THSD7B: variants seen among roughly 807,000 people sequenced by gnomAD.
THSD7B encodes the protein thrombospondin type-1 domain-containing protein 7B.
In THSD7B, 138 loss-of-function variants were observed where a neutral mutation model predicts 213.6. The ratio of observed to expected loss-of-function variants is 0.65; its 90% CI spans 0.56 to 0.74. THSD7B has a LOEUF of 0.74. Among genes scored for constraint, THSD7B ranks in the 30% least tolerant of loss-of-function variants. THSD7B has a pLI of 0.00. For missense variants in THSD7B, 1,931 were observed against 1,991.5 expected (o/e 0.97, Z 0.58); for synonymous variants, 742 against 687.0 (o/e 1.08, Z -1.25).
At chr2:137,652,187 C>G (rs1007189523) in intron 21 of THSD7B, among the ~76,000 whole-genome samples, 8 of 152,068 alleles carry the variant, frequency 5.3e-5, no homozygotes, top group Non-Finnish European at 8.8e-5. Context: ...CTCTCTTTCT[C>G]TCTCTCTCCC....
intron 15 of THSD7B, among the ~76,000 whole-genome samples, chr2:137,498,921 G>T (rs1382728315): frequency 6.6e-6 from 1 of 152,146 alleles, no homozygotes; most frequent in Non-Finnish European, 1.5e-5. Context: ...GAGGCAGGTT[G>T]CTCCCTTGCC....
intron 12 of THSD7B, among the ~76,000 whole-genome samples, chr2:137,303,963 A>T (rs1375306217): frequency 6.7e-6 from 1 of 149,134 alleles, no homozygotes; most frequent in African/African-American, 2.5e-5. Flanking sequence ...CCCCTAGCCC[A>T]CCACCCCCTG....
At chr2:136,772,581 T>C (rs1382624876) in intron 1 of THSD7B, among the ~76,000 whole-genome samples, 1 of 152,198 alleles carries the variant, frequency 6.6e-6, no homozygotes, top group East Asian at 1.9e-4. Flanking sequence ...ATGCAAAGCA[T>C]TAGTTTTTGA....
At chr2:136,958,325 A>C (rs1416751390) in intron 2 of THSD7B, among the ~76,000 whole-genome samples, 1 of 152,230 alleles carries the variant, frequency 6.6e-6, no homozygotes, top group Non-Finnish European at 1.5e-5. Context: ...TATCAGCAAC[A>C]CTGGGAAAAT....
At chr2:137,048,272 A>T (rs915657942) in intron 2 of THSD7B, among the ~76,000 whole-genome samples, 27 of 152,152 alleles carry the variant, frequency 1.8e-4, no homozygotes, top group African/African-American at 5.5e-4. Flanking sequence ...GATTTTTTTT[A>T]AAAAAATGCT....
chr2:136,876,909 G>A (rs952616997), intron 1 of THSD7B, among the ~76,000 whole-genome samples: 6 of 152,138 alleles, frequency 3.9e-5, no homozygotes, highest in African/African-American at 1.4e-4. Flanking sequence ...CTCCTAACAC[G>A]CTCTGGGGTC....
intron 5 of THSD7B, among the ~76,000 whole-genome samples, chr2:137,116,569 G>A (rs1688450040): frequency 6.6e-6 from 1 of 152,160 alleles, no homozygotes; most frequent in Non-Finnish European, 1.5e-5. Context: ...GATGCATTAT[G>A]ACCTACCTAT....
intron 17 of THSD7B, among the ~76,000 whole-genome samples, chr2:137,597,638 T>C (rs1427365696): frequency 6.6e-6 from 1 of 151,936 alleles, no homozygotes; most frequent in African/African-American, 2.4e-5. Flanking sequence ...ACTGGAGGCA[T>C]CTCCAAGAAC....
chr2:137,112,086 A>C (rs1688357484), intron 4 of THSD7B, among the ~76,000 whole-genome samples: 1 of 152,144 alleles, frequency 6.6e-6, no homozygotes, highest in African/African-American at 2.4e-5. Flanking sequence ...TAAAGGAGAA[A>C]GGGAGTAACG....
intron 12 of THSD7B, among the ~76,000 whole-genome samples, chr2:137,349,844 AG>A (rs1432775238): frequency 6.6e-6 from 1 of 151,822 alleles, no homozygotes; most frequent in Non-Finnish European, 1.5e-5. Context: ...AGAGATTAAG[AG>A]GGAAAAAATG....
At chr2:137,043,066 G>C (rs1223475840) in intron 2 of THSD7B, among the ~76,000 whole-genome samples, 1 of 152,190 alleles carries the variant, frequency 6.6e-6, no homozygotes, top group African/African-American at 2.4e-5. Flanking sequence ...CAGCCCCTGG[G>C]CTGGTTGGGG....
intron 2 of THSD7B, among the ~76,000 whole-genome samples, chr2:136,921,491 A>G (rs1486573890): frequency 6.6e-6 from 1 of 151,778 alleles, no homozygotes; most frequent in Admixed American, 6.6e-5. Flanking sequence ...ATGAAGGCAT[A>G]GGCTATGTAA....
intron 15 of THSD7B, among the ~76,000 whole-genome samples, chr2:137,532,894 T>C (rs1183420162): frequency 6.6e-6 from 1 of 151,564 alleles, no homozygotes; most frequent in Non-Finnish European, 1.5e-5. Flanking sequence ...TGTGGCTATA[T>C]GCATATATAT....
intron 7 of THSD7B, among the ~76,000 whole-genome samples, chr2:137,204,050 A>T (rs1462425043): frequency 6.6e-6 from 1 of 152,056 alleles, no homozygotes; most frequent in Non-Finnish European, 1.5e-5. Context: ...AATCAACATC[A>T]AATAGTTTTC....
At chr2:137,134,529 G>A (rs1486095783) in intron 5 of THSD7B, among the ~76,000 whole-genome samples, 8 of 152,162 alleles carry the variant, frequency 5.3e-5, no homozygotes, top group Admixed American at 6.5e-5. Flanking sequence ...TTCAGGCCAT[G>A]CGCTGGCACT....
intron 10 of THSD7B, among the ~76,000 whole-genome samples, chr2:137,252,201 A>G (rs905609609): frequency 4.7e-5 from 6 of 127,680 alleles, no homozygotes; most frequent in African/African-American, 8.8e-5. Flanking sequence ...CGGGAGGCAG[A>G]GGTTGCAGTG....
chr2:137,485,643 G>A (rs1196737051), intron 15 of THSD7B, among the ~76,000 whole-genome samples: 1 of 152,084 alleles, frequency 6.6e-6, no homozygotes, highest in Non-Finnish European at 1.5e-5. Flanking sequence ...AGGAAATACA[G>A]AGAATGCCAC....
chr2:137,666,540 C>T lies in THSD7B; in HGVS notation c.4652-1234C>T, dbSNP rs536687761. 1.7e-3 allele frequency among the ~76,000 whole-genome samples: 247 copies of T among 144,580 alleles called. 1 individual carries two copies. Among genetic ancestry groups the T allele is most frequent in the African/African-American group, 5.5e-3 (224 of 40,496 alleles). 94.9% of individuals were successfully genotyped at this position (144,580 alleles called of 152,430 possible). On this transcript the variant is annotated intron_variant, in intron 26 of 27. Coordinates refer to ENST00000409968, the MANE Select transcript of THSD7B (RefSeq NM_001316349.2). Reference sequence around the variant, plus strand: ...TTACAATAGATTTTGATTGATTTCCCCCCCCCATAGAAGCTTTTCAAATAA... The same window carrying T: ...TTACAATAGATTTTGATTGATTTCCTCCCCCCATAGAAGCTTTTCAAATAA...
chr2:136,989,255 G>A (rs539535681), intron 2 of THSD7B, among the ~76,000 whole-genome samples: 32 of 152,142 alleles, frequency 2.1e-4, no homozygotes, highest in African/African-American at 7.0e-4. Flanking sequence ...CAAATCTCAC[G>A]TTGAAATGTG....
Sources: gnomAD v4.1 joint callset for allele counts (sites outside exome capture counted in the v4.1 genomes callset) on GRCh38, gnomAD v4.1.1 for gene constraint, MANE v1.5 for transcripts, NCBI Gene and HGNC (gene_info 2026-07-23, HGNC 2026-07-21) for gene names.